MREG: variants seen among roughly 807,000 people sequenced by gnomAD.
The protein encoded by MREG is melanoregulin.
Under a neutral mutation model 28.5 loss-of-function variants are expected in MREG, and 31 were observed. That is an observed-to-expected ratio of 1.09 (90% CI 0.82 to 1.47). The LOEUF is 1.47. Among genes scored for constraint, MREG ranks in the 40% most tolerant of loss-of-function variants. The probability of loss-of-function intolerance (pLI) is 0.00; values close to 1 mark genes in which losing one functional copy is unlikely to be tolerated. For missense variants in MREG, 256 were observed against 257.4 expected (o/e 0.99, Z 0.04); for synonymous variants, 106 against 95.2 (o/e 1.11, Z -0.66).
At chr2:215,945,091 C>A (rs1428847401) in intron 4 of MREG, 94 bp from the exon 5 acceptor site, 3 of 1,292,432 alleles carry the variant, frequency 2.3e-6, no homozygotes, top group African/African-American at 2.9e-5. Flanking sequence ...ACAAAACCCA[C>A]CCTGGAAATG....
At chr2:216,011,641 T>C (rs1430338077) in intron 1 of MREG, among the ~76,000 whole-genome samples, 1 of 152,218 alleles carries the variant, frequency 6.6e-6, no homozygotes, top group East Asian at 1.9e-4. Flanking sequence ...CCGCTCCAAT[T>C]GACCCTGGGG....
intron 2 of MREG, among the ~76,000 whole-genome samples, chr2:215,951,439 A>G (rs1452082639): frequency 1.3e-5 from 2 of 152,252 alleles, no homozygotes; most frequent in African/African-American, 4.8e-5. Context: ...AAGTGACTTC[A>G]ATGCAATTCT....
intron 3 of MREG, among the ~76,000 whole-genome samples, chr2:215,946,054 G>C (rs547562068): frequency 2.6e-4 from 39 of 151,684 alleles, no homozygotes; most frequent in African/African-American, 8.2e-4. Flanking sequence ...CTACTCTTTA[G>C]CTTCTCCCCT....
intron 1 of MREG, among the ~76,000 whole-genome samples, chr2:216,030,434 C>A (rs1159959430): frequency 2.0e-5 from 3 of 152,158 alleles, no homozygotes; most frequent in Admixed American, 1.3e-4. Flanking sequence ...AATGAAACTA[C>A]CTCACAGAGT....
chr2:216,019,110 C>CA (rs1487936772), intron 1 of MREG, among the ~76,000 whole-genome samples: 1 of 152,244 alleles, frequency 6.6e-6, no homozygotes, highest in Non-Finnish European at 1.5e-5. Context: ...ATTTCCGAAA[C>CA]AAGATCTATT....
Position 215,996,462 on chromosome 2 carries a change from A to G in MREG, c.99T>C (p.Asp33=). 6.2e-7 allele frequency: 1 copy of G among 1,607,232 alleles called. No individual in the cohort carries two copies. The highest frequency in any genetic ancestry group is 8.5e-7 in the Non-Finnish European group (1 of 1,177,570). Residue 33 remains aspartate (D), a synonymous_variant, in exon 2 of 5, where the codon GAT becomes GAC. Transcript: ENST00000263268. The part of the protein sequence containing the change: ...ALPEKEPLVS[D]NNPYSSFGAT... Reference sequence around the variant, plus strand: ...CTCCAAATGAGGAATATGGATTGTTATCACTGTTGTATAAAAAAAGGAAAG... The same window carrying G: ...CTCCAAATGAGGAATATGGATTGTTGTCACTGTTGTATAAAAAAAGGAAAG...
chr2:215,982,255 A>G, intron 2 of MREG, among the ~76,000 whole-genome samples: 1 of 151,662 alleles, frequency 6.6e-6, no homozygotes, highest in South Asian at 2.1e-4. Flanking sequence ...TGGGAAGCAG[A>G]GGTTGCAGTG....
chr2:215,958,555 C>T (rs927065775), intron 2 of MREG, among the ~76,000 whole-genome samples: 1 of 152,208 alleles, frequency 6.6e-6, no homozygotes, highest in Non-Finnish European at 1.5e-5. Context: ...CCTTAATGAA[C>T]TCCTTGACCT....
chr2:215,951,151 C>T (rs1007653977), intron 2 of MREG, among the ~76,000 whole-genome samples: 1 of 152,278 alleles, frequency 6.6e-6, no homozygotes. Flanking sequence ...TCAATTAAAC[C>T]TCTTTTCTTC....
chr2:215,995,504 A>G (rs1176228760), intron 2 of MREG, among the ~76,000 whole-genome samples: 1 of 122,306 alleles, frequency 8.2e-6, no homozygotes, highest in African/African-American at 3.7e-5. Flanking sequence ...ACCTCCACCC[A>G]CCCCACCCCC....
intron 1 of MREG, among the ~76,000 whole-genome samples, chr2:216,030,172 T>C (rs1449632978): frequency 6.6e-6 from 1 of 152,220 alleles, no homozygotes; most frequent in Admixed American, 6.5e-5. Flanking sequence ...TGTAAAAATA[T>C]AGATTATTGG....
intron 2 of MREG, among the ~76,000 whole-genome samples, chr2:215,991,577 C>G (rs556730192): frequency 6.7e-6 from 1 of 149,402 alleles, no homozygotes; most frequent in Admixed American, 6.6e-5. Context: ...CACGAAAAAC[C>G]GTTCAAAAAA....
At chr2:215,965,083 T>C (rs1692904521) in intron 2 of MREG, among the ~76,000 whole-genome samples, 1 of 152,220 alleles carries the variant, frequency 6.6e-6, no homozygotes, top group South Asian at 2.1e-4. Flanking sequence ...AAGCTTCCTT[T>C]GTAAACCTAA....
At chr2:215,974,243 C>T (rs554857769) in intron 2 of MREG, among the ~76,000 whole-genome samples, 2 of 152,208 alleles carry the variant, frequency 1.3e-5, no homozygotes, top group South Asian at 2.1e-4. Context: ...AACAAGTATC[C>T]GGGGACCTGG....
intron 1 of MREG, among the ~76,000 whole-genome samples, chr2:216,022,021 T>C (rs149041791): frequency 0.01 from 1,572 of 152,274 alleles, 24 homozygotes; most frequent in African/African-American, 0.036. Context: ...GTGGATCACC[T>C]GAGGTCAGGA....
At chr2:215,988,824 G>A (rs562260392) in intron 2 of MREG, among the ~76,000 whole-genome samples, 1 of 152,198 alleles carries the variant, frequency 6.6e-6, no homozygotes, top group Non-Finnish European at 1.5e-5. Context: ...AAGCCACTAT[G>A]GCAAGACTGC....
At chr2:216,030,320 C>T (rs898839501) in intron 1 of MREG, among the ~76,000 whole-genome samples, 1 of 152,164 alleles carries the variant, frequency 6.6e-6, no homozygotes, top group Non-Finnish European at 1.5e-5. Context: ...GGCTCTGAAG[C>T]CAAACTCCTT....
At chr2:216,024,686 C>T (rs1694568796) in intron 1 of MREG, among the ~76,000 whole-genome samples, 1 of 151,694 alleles carries the variant, frequency 6.6e-6, no homozygotes, top group African/African-American at 2.4e-5. Flanking sequence ...CCAGGTTGGC[C>T]AACATGGTGA....
intron 2 of MREG, among the ~76,000 whole-genome samples, chr2:215,991,506 T>C (rs1288497668): frequency 6.7e-6 from 1 of 149,644 alleles, no homozygotes; most frequent in East Asian, 2.0e-4. Flanking sequence ...GCAAACAAAT[T>C]CAAAAGCTAG....
Sources: allele counts gnomAD v4.1 joint callset (sites outside exome capture counted in the v4.1 genomes callset), GRCh38; gene constraint gnomAD v4.1.1; transcripts MANE v1.5; gene names NCBI Gene and HGNC (gene_info 2026-07-23, HGNC 2026-07-21).